Variants in KCNH4 observed in about 807,000 individuals in gnomAD.
KCNH4 encodes the protein voltage-gated delayed rectifier potassium channel KCNH4.
KCNH4 carries 33 observed loss-of-function variants against 90.7 expected under a neutral mutation model. The ratio of observed to expected loss-of-function variants is 0.36; its 90% CI spans 0.28 to 0.49. The LOEUF (loss-of-function observed/expected upper bound fraction) is 0.49, where lower values mean the gene tolerates loss of function less well. KCNH4 is among the 20% of genes least tolerant of loss of function. The probability of loss-of-function intolerance (pLI) is 0.98; values close to 1 mark genes in which losing one functional copy is unlikely to be tolerated. For missense variants in KCNH4, 1,044 were observed against 1,387.1 expected, an observed-to-expected ratio of 0.75 and a Z score of 3.93; for synonymous variants, 551 against 581.7, an observed-to-expected ratio of 0.95 and a Z score of 0.76.
rs552114404 is a variant in KCNH4 at position 42,157,992 on chromosome 17, G to A, written c.*310-874C>T. Reference sequence around the variant, plus strand: ...TGCCCAGACTTGAGAGCAATGGCACGATCTCGGCTCACTGCACCCTCCACC... The same window carrying A: ...TGCCCAGACTTGAGAGCAATGGCACAATCTCGGCTCACTGCACCCTCCACC... On this transcript the variant is annotated intron_variant, in intron 16 of 16. Coordinates refer to ENST00000264661, the MANE Select transcript of KCNH4 (RefSeq NM_012285.3). Among the ~76,000 whole-genome samples, 14 of 152,086 alleles carry A rather than the reference G, an allele frequency of 9.2e-5. No homozygotes were observed. In the East Asian group the frequency reaches 2.5e-3, roughly 28 times the overall value.
In KCNH4 at chr17:42,180,435, G is replaced by C. The variant is rs975061032; in HGVS notation, c.76+435C>G. ...GGGCGCGCGACCTCAATCCAAACTA[G>C]GTCCTGCTGAAGTCTGATCTTTTCT... On this transcript the variant is annotated intron_variant, in intron 1 of 16. Transcript: ENST00000264661. This position sits in a 1 kb window ranked among gnomAD's most constrained non-coding sequence, Gnocchi z 4.7. Among the ~76,000 whole-genome samples the C allele has an allele frequency of 1.3e-5, 2 of 152,084 alleles. No individual in the cohort carries two copies. The highest frequency in any genetic ancestry group is 2.9e-5 in the Non-Finnish European group (2 of 68,012).
chr17:42,172,383 A>G (rs1334745688), intron 6 of KCNH4, among the ~76,000 whole-genome samples: 1 of 151,918 alleles, frequency 6.6e-6, no homozygotes, highest in African/African-American at 2.4e-5. Flanking sequence ...TACATTGGCC[A>G]GGATGGTCTC....
intron 9 of KCNH4, among the ~76,000 whole-genome samples, chr17:42,169,239 C>G (rs757652625): frequency 3.3e-4 from 50 of 152,222 alleles, no homozygotes; most frequent in Non-Finnish European, 6.3e-4. Context: ...ACCACCACAG[C>G]TGGCTAATTT....
In KCNH4 at chr17:42,180,201, T is replaced by C. The variant is rs963756376; in HGVS notation, c.76+669A>G. 6.7e-5 allele frequency among the ~76,000 whole-genome samples: 10 copies of C among 150,240 alleles called. No homozygotes were observed. The highest frequency in any genetic ancestry group is 2.4e-4 in the African/African-American group (10 of 40,866). On this transcript the variant is annotated intron_variant, in intron 1 of 16. Transcript: ENST00000264661. This position sits in a 1 kb window ranked among gnomAD's most constrained non-coding sequence, Gnocchi z 4.7. Reference sequence around the variant, plus strand: ...CAGGGTTCCCGAGGGAATGGCGGGGTTGGGGGAGGTGAGGGCGGGGAATCT... The same window carrying C: ...CAGGGTTCCCGAGGGAATGGCGGGGCTGGGGGAGGTGAGGGCGGGGAATCT...
intron 7 of KCNH4, among the ~76,000 whole-genome samples, chr17:42,170,836 A>G (rs1395917091): frequency 6.6e-6 from 1 of 152,264 alleles, no homozygotes; most frequent in African/African-American, 2.4e-5. Flanking sequence ...CAAGTGAGGC[A>G]GGGAACGGAA....
In KCNH4 at chr17:42,159,757, A is replaced by C. The variant is rs1430344558; in HGVS notation, c.*283T>G. 6.9e-6 allele frequency: 2 copies of C among 291,920 alleles called. No individual in the cohort carries two copies. Among genetic ancestry groups the C allele is most frequent in the African/African-American group, 2.2e-5 (1 of 46,270 alleles). The allele number at this position is 291,920 out of a possible 1,614,324, so 18.1% of individuals were successfully genotyped here. The stretch of plus-strand genomic sequence containing the variant: ...TGCCTCCAGGTCCTGGGGAGAAAGT[A>C]GGATCTCATCTGCCCAGCCCAATGG... On this transcript the variant is annotated 3_prime_UTR_variant, in exon 16 of 17. Transcript: ENST00000264661.
At chr17:42,171,665 A>T in intron 7 of KCNH4, 123 bp downstream of exon 7, 1 of 915,650 alleles carries the variant, frequency 1.1e-6, no homozygotes, top group Non-Finnish European at 1.8e-6. Context: ...AAAGAGCTCA[A>T]CGCATGTTTG....
At chr17:42,176,985 G>A (rs771458567) in intron 4 of KCNH4, among the ~76,000 whole-genome samples, 4 of 152,194 alleles carry the variant, frequency 2.6e-5, no homozygotes, top group Non-Finnish European at 5.9e-5. Context: ...TTAAACTCCT[G>A]GGCTCAAGCT....
At position 42,178,823 on chromosome 17, in the gene KCNH4, G is replaced by A. The variant is rs200825480; in HGVS notation, c.280C>T (p.Arg94Trp). 7.4e-6 allele frequency: 12 copies of A among 1,613,732 alleles called. No individual in the cohort carries two copies. Among genetic ancestry groups the A allele is most frequent in the African/African-American group, 1.3e-5 (1 of 74,942 alleles). ...TTGCGGTAGAAGCAGATTTCAGCCCGGTGCTCCTGGTGGCCCTCCAGGGCT... is the reference window on the plus strand; with the variant it reads ...TTGCGGTAGAAGCAGATTTCAGCCCAGTGCTCCTGGTGGCCCTCCAGGGCT... ...HKALEGHQEH[R>W]AEICFYRKDG... The change falls in exon 2 of 17, where the codon CGG (arginine) becomes TGG (tryptophan). Residue 94 changes from arginine (R) to tryptophan (W), a missense_variant. Physicochemically the swap from Arg to Trp is moderately radical, Grantham distance 101. Around this residue, in one of 4 missense-constraint regions of KCNH4, gnomAD observed 283 missense variants for 378.6 expected, o/e 0.75. Coordinates refer to ENST00000264661, the MANE Select transcript of KCNH4 (RefSeq NM_012285.3).
At chr17:42,170,053 C>A in intron 8 of KCNH4, 54 bp downstream of exon 8, 3 of 1,509,812 alleles carry the variant, frequency 2.0e-6, no homozygotes, top group Non-Finnish European at 2.7e-6. Flanking sequence ...TCAGTTTCCC[C>A]GTGCATGCTG....
At chr17:42,177,820 C>T (rs911175006) in intron 4 of KCNH4, among the ~76,000 whole-genome samples, 5 of 152,168 alleles carry the variant, frequency 3.3e-5, no homozygotes, top group African/African-American at 1.2e-4. Context: ...CCTATCACCC[C>T]CGGGCAGGTG....
At position 42,180,206 on chromosome 17, in the gene KCNH4, G is replaced by T. The variant is rs1490415321; in HGVS notation, c.76+664C>A. On this transcript the variant is annotated intron_variant, in intron 1 of 16. Transcript: ENST00000264661. The surrounding 1 kb of genome is among the most constrained non-coding windows in gnomAD (Gnocchi z 4.7). Reference sequence around the variant, plus strand: ...TTCCCGAGGGAATGGCGGGGTTGGGGGAGGTGAGGGCGGGGAATCTCTGGG... The same window carrying T: ...TTCCCGAGGGAATGGCGGGGTTGGGTGAGGTGAGGGCGGGGAATCTCTGGG... Among the ~76,000 whole-genome samples the T allele has an allele frequency of 6.6e-6, 1 of 152,246 alleles. No individual in the cohort carries two copies. Among genetic ancestry groups the T allele is most frequent in the Admixed American group, 6.5e-5 (1 of 15,290 alleles).
chr17:42,167,784 C>A lies in KCNH4; in HGVS notation c.1591-1238G>T, dbSNP rs73313611. 4.5e-3 allele frequency among the ~76,000 whole-genome samples: 681 copies of A among 152,364 alleles called. 4 individuals are homozygous for A. Among genetic ancestry groups the A allele is most frequent in the African/African-American group, 0.016 (663 of 41,586 alleles). On this transcript the variant is annotated intron_variant, in intron 9 of 16. Coordinates refer to ENST00000264661, the MANE Select transcript of KCNH4 (RefSeq NM_012285.3). ...CAGGAGATTACCACGTCCCACAGAT[C>A]CCATCCTCAGAGATACCTCACCAAC...
rs544712265 is a variant in KCNH4 at position 42,167,044 on chromosome 17, C to A, written c.1591-498G>T. Among the ~76,000 whole-genome samples, 34 of 152,278 alleles carry A rather than the reference C, an allele frequency of 2.2e-4. 1 individual carries two copies. Among genetic ancestry groups the A allele is most frequent in the Middle Eastern group, 6.8e-3 (2 of 294 alleles). On this transcript the variant is annotated intron_variant, in intron 9 of 16. Coordinates refer to ENST00000264661, the MANE Select transcript of KCNH4 (RefSeq NM_012285.3). ...ATCCTCATATGGAGCCCCTTGGCCA[C>A]CCTGGCTTGTTGAACTCTCCCCTTG...
chr17:42,169,342 A>C (rs1227997963), intron 9 of KCNH4, 135 bp downstream of exon 9: 6 of 800,824 alleles, frequency 7.5e-6, no homozygotes, highest in Non-Finnish European at 1.2e-5. Flanking sequence ...AGCCTCCCAA[A>C]GTGCTGGGAT....
intron 9 of KCNH4, among the ~76,000 whole-genome samples, chr17:42,168,323 C>T (rs967908512): frequency 6.6e-6 from 1 of 152,218 alleles, no homozygotes; most frequent in Non-Finnish European, 1.5e-5. Context: ...GGGCCCTGAG[C>T]TCTTTCATTC....
Position 42,180,298 on chromosome 17 carries a change from G to A in KCNH4, c.76+572C>T, listed in dbSNP as rs2079892409. 1.3e-5 allele frequency among the ~76,000 whole-genome samples: 2 copies of A among 152,184 alleles called. No individual in the cohort carries two copies. Among genetic ancestry groups the A allele is most frequent in the South Asian group, 4.1e-4 (2 of 4,820 alleles). ...GAGGAGTGATGTGGCTGTCCAAGGT[G>A]CTGAACCTGAAACCCAAGCTACGTT... On this transcript the variant is annotated intron_variant, in intron 1 of 16. Transcript: ENST00000264661. This position sits in a 1 kb window ranked among gnomAD's most constrained non-coding sequence, Gnocchi z 4.7.
chr17:42,178,562 T>A (rs951332459), intron 2 of KCNH4, 85 bp from the exon 3 acceptor site: 2 of 1,507,622 alleles, frequency 1.3e-6, no homozygotes, highest in East Asian at 4.8e-5. Context: ...CTCCTAGACA[T>A]AGTTAAGAGC....
Position 42,178,906 on chromosome 17 carries a change from C to T in KCNH4, c.197G>A (p.Ser66Asn), listed in dbSNP as rs1031972838. ...GRTEVMQKTCSCRFLYGPETS... is the reference protein window; with the variant it reads ...GRTEVMQKTCNCRFLYGPETS... ...CTCTGGGCCGTAGAGGAAACGGCAG[C>T]TGCAGGTCTTCTGCATGACCTCGGT... The change falls in exon 2 of 17, where the codon AGC (serine) becomes AAC (asparagine). Residue 66 changes from serine to asparagine, a missense_variant. Transcript: ENST00000264661. 5 of 1,614,088 alleles carry T rather than the reference C, an allele frequency of 3.1e-6. No homozygotes were observed. The highest frequency in any genetic ancestry group is 4.2e-6 in the Non-Finnish European group (5 of 1,180,046).
Sources: gnomAD v4.1 joint callset for allele counts (sites outside exome capture counted in the v4.1 genomes callset) on GRCh38, gnomAD v4.1.1 for gene constraint, gnomAD v4.1.1 regional missense constraint, Gnocchi (gnomAD v3.1) non-coding constraint, MANE v1.5 for transcripts, NCBI Gene and HGNC (gene_info 2026-07-23, HGNC 2026-07-21) for gene names.